FLNA: variants seen among roughly 807,000 people sequenced by gnomAD.
FLNA encodes filamin A.
FLNA carries 7 observed loss-of-function variants against 157.6 expected under a neutral mutation model. The observed-to-expected ratio is 0.04, with a 90% CI of 0.03 to 0.08. The LOEUF is 0.08. Among genes scored for constraint, FLNA ranks in the 10% least tolerant of loss-of-function variants. The pLI is 1.00. For missense variants in FLNA, 1,750 were observed against 2,398.4 expected (o/e 0.73, Z 5.65); for synonymous variants, 1,103 against 1,060.8 (o/e 1.04, Z -0.77).
At chrX:154,361,815 T>A in intron 19 of FLNA, 28 bp from the exon 20 acceptor site, 1 of 1,137,957 alleles carries the variant, frequency 8.8e-7, no homozygotes, top group Non-Finnish European at 1.2e-6. Flanking sequence ...GGGAAGGGGG[T>A]ATTTAGAGAC....
chrX:154,359,575 C>G lies in FLNA; in HGVS notation c.4051G>C (p.Glu1351Gln). The G allele has an allele frequency of 8.3e-7, 1 of 1,210,752 alleles. No individual in the cohort carries two copies. Among genetic ancestry groups the G allele is most frequent in the Non-Finnish European group, 1.1e-6 (1 of 895,246 alleles). The change falls in exon 24 of 48, where the codon GAG becomes CAG. Residue 1351 changes from glutamate to glutamine, a missense_variant. Physicochemically the swap from Glu to Gln is conservative, Grantham distance 29 (BLOSUM62 2). Around this residue, in one of 5 missense-constraint regions of FLNA, gnomAD observed 970 missense variants for 1,302.6 expected, o/e 0.74. Transcript: ENST00000369850. ...CGCACCCGGGAGGGGTCGCAGCCCTCGGTCACGGGCACCTGGAAGGGGCTG... is the reference window on the plus strand; with the variant it reads ...CGCACCCGGGAGGGGTCGCAGCCCTGGGTCACGGGCACCTGGAAGGGGCTG... The part of the protein sequence containing the change: ...PSSPFQVPVT[E>Q]GCDPSRVRVH...
chrX:154,361,030 G>A (rs2067702346), intron 21 of FLNA, among the ~76,000 whole-genome samples: 1 of 58,685 alleles, frequency 1.7e-5, no homozygotes, highest in Non-Finnish European at 2.9e-5. Context: ...CTGGGCGACA[G>A]AGTGAGACTC....
chrX:154,364,313 C>T lies in FLNA; in HGVS notation c.2082G>A (p.Glu694=), dbSNP rs2067738333. The T allele has an allele frequency of 9.1e-6, 11 of 1,211,616 alleles. No homozygotes were observed. The highest frequency in any genetic ancestry group is 1.2e-5 in the Non-Finnish European group (11 of 895,551). ...KTGVAVNKPA[E]FTVDAKHGGK... ...CACCGTGCTTGGCATCCACTGTGAA[C>T]TCTGCTGGCTTGTTGACGGCCACAC... is the stretch of plus-strand genomic sequence containing the variant. Residue 694 remains glutamate, a synonymous_variant, in exon 14 of 48, where the codon GAG becomes GAA. Coordinates refer to ENST00000369850, the MANE Select transcript of FLNA (RefSeq NM_001110556.2).
Position 154,353,538 on chromosome X carries a change from T to A in FLNA, c.5860+16A>T, listed in dbSNP as rs1458662145. The A allele has an allele frequency of 8.3e-7, 1 of 1,209,451 alleles. No individual in the cohort carries two copies. Among genetic ancestry groups the A allele is most frequent in the Non-Finnish European group, 1.1e-6 (1 of 894,520 alleles). ...CCCTGCCACCCGTTTCTGTCACTGC[T>A]CCCAGTGCCACCCACCTGTGACCCG... On this transcript the variant is annotated intron_variant, in intron 36 of 47. Coordinates refer to ENST00000369850, the MANE Select transcript of FLNA (RefSeq NM_001110556.2).
chrX:154,358,099 C>A, intron 28 of FLNA, 100 bp downstream of exon 28: 1 of 982,185 alleles, frequency 1.0e-6, no homozygotes. Flanking sequence ...CCCTGCCCTC[C>A]TTGGTGCAGC....
intron 5 of FLNA, 130 bp from the exon 6 acceptor site, chrX:154,366,980 G>A: frequency 1.8e-6 from 1 of 557,687 alleles, no homozygotes; most frequent in East Asian, 3.5e-5. Flanking sequence ...TTCAGTGTGA[G>A]CTGTGGCACA....
chrX:154,358,148 A>T (rs1394697852), intron 28 of FLNA, 51 bp downstream of exon 28: 10 of 1,184,856 alleles, frequency 8.4e-6, no homozygotes, highest in African/African-American at 3.6e-5. Flanking sequence ...CGCAGCCCAC[A>T]CTCCAGCCGC....
At chrX:154,360,700 G>C in intron 21 of FLNA, 113 bp from the exon 22 acceptor site, 1 of 687,505 alleles carries the variant, frequency 1.5e-6, no homozygotes. Context: ...CACCAAACAG[G>C]GACACGGGCG....
At chrX:154,354,347 T>G (rs782042051) in intron 33 of FLNA, 34 bp downstream of exon 33, 1 of 1,211,064 alleles carries the variant, frequency 8.3e-7, no homozygotes, top group Non-Finnish European at 1.1e-6. Context: ...CTGGCCTCCT[T>G]GGCTCCCGAG....
intron 23 of FLNA, 26 bp downstream of exon 23, chrX:154,359,706 A>C (rs782431606): frequency 8.3e-7 from 1 of 1,209,868 alleles, no homozygotes; most frequent in Admixed American, 2.2e-5. Context: ...CCCGTCTGCC[A>C]GCCTGTGGGA....
rs782796901 is a variant in FLNA at position 154,353,717 on chromosome X, A to C, written c.5697T>G (p.Ser1899=). ...CTTTGGACGGGCCCTCAATGGCCAG[A>C]GACAGGCCCCCTGGAGAGAGCCGTG... The part of the protein sequence containing the change: ...NTKDAGEGGL[S]LAIEGPSKAE... Residue 1899 remains serine (S), a synonymous_variant, in exon 36 of 48, where the codon TCT becomes TCG. Coordinates refer to ENST00000369850, the MANE Select transcript of FLNA (RefSeq NM_001110556.2). 8.3e-7 allele frequency: 1 copy of C among 1,208,900 alleles called. No individual in the cohort carries two copies. Among genetic ancestry groups the C allele is most frequent in the Non-Finnish European group, 1.1e-6 (1 of 894,280 alleles).
chrX:154,362,580 TGCG>T lies in FLNA; in HGVS notation c.2405-5_2405-3del. The T allele has an allele frequency of 3.3e-6, 4 of 1,210,725 alleles. No homozygotes were observed. The highest frequency in any genetic ancestry group is 4.5e-6 in the Non-Finnish European group (4 of 895,072). Reference sequence around the variant, plus strand: ...ACTTGATGCCGATGCTGACGTCCCCTGCGGCGGGGAGAGGAGCGGAGGCTGAGA... The same window carrying T: ...ACTTGATGCCGATGCTGACGTCCCCTGCGGGGAGAGGAGCGGAGGCTGAGA... On this transcript the variant is annotated splice_region_variant and splice_polypyrimidine_tract_variant and intron_variant, in intron 16 of 47. Coordinates refer to ENST00000369850, the MANE Select transcript of FLNA (RefSeq NM_001110556.2).
chrX:154,366,692 G>A (rs2148118367), intron 6 of FLNA, 40 bp downstream of exon 6: 1 of 1,197,560 alleles, frequency 8.4e-7, no homozygotes. Flanking sequence ...CCACTGAAAG[G>A]GAGCGCTGCG....
intron 2 of FLNA, among the ~76,000 whole-genome samples, chrX:154,370,330 G>C (rs1311910463): frequency 9.0e-6 from 1 of 110,846 alleles, no homozygotes; most frequent in African/African-American, 3.4e-5. Context: ...GTGTGTGTGT[G>C]GGGGGGTAGA....
rs782763013 is a variant in FLNA at position 154,365,493 on chromosome X, G to GCA, written c.1430-9_1430-8dup. On this transcript the variant is annotated splice_polypyrimidine_tract_variant and splice_region_variant and intron_variant, in intron 9 of 47. Transcript: ENST00000369850. ...CAGGCACTCGGGTTACAGGCTGCAGGCAGAGGGGCCAGCTGAGCACCAGCA... is the reference window on the plus strand; with the variant it reads ...CAGGCACTCGGGTTACAGGCTGCAGGCACAGAGGGGCCAGCTGAGCACCAGCA... 8.3e-7 allele frequency: 1 copy of GCA among 1,209,002 alleles called. No individual in the cohort carries two copies. The highest frequency in any genetic ancestry group is 1.7e-5 in the African/African-American group (1 of 57,663).
intron 1 of FLNA, among the ~76,000 whole-genome samples, chrX:154,374,218 C>A (rs1557180912): frequency 8.9e-6 from 1 of 112,565 alleles, no homozygotes; most frequent in East Asian, 2.8e-4. Flanking sequence ...TGGGCAAGTG[C>A]CCAGACACCC....
intron 9 of FLNA, 115 bp from the exon 10 acceptor site, chrX:154,365,601 G>A: frequency 2.2e-6 from 2 of 900,758 alleles, no homozygotes; most frequent in South Asian, 2.2e-5. Flanking sequence ...GGCTGGAGGG[G>A]GACATGCAAG....
chrX:154,370,705 A>T (rs1346782575), intron 2 of FLNA, among the ~76,000 whole-genome samples, 168 bp downstream of exon 2: 1 of 112,893 alleles, frequency 8.9e-6, no homozygotes, highest in Non-Finnish European at 1.9e-5. Context: ...CCAGCCAGCC[A>T]GCCCGCGCGC....
At position 154,362,701 on chromosome X, in the gene FLNA, C is replaced by A; in HGVS notation, c.2364G>T (p.Glu788Asp). Residue 788 changes from glutamate (E) to aspartate (D), a missense_variant, in exon 16 of 48, where the codon GAG becomes GAT. Glu to Asp is a conservative substitution (Grantham distance 45). Around this residue, in one of 5 missense-constraint regions of FLNA, gnomAD observed 648 missense variants for 805.8 expected, o/e 0.80. Transcript: ENST00000369850. ...CGCAGTCCACAGTGAAGTAGGTGGG[C>A]TCGTGGGCCTTGAGCCCTGTCTTGG... ...GVAKTGLKAHEPTYFTVDCAE... is the reference protein window; with the variant it reads ...GVAKTGLKAHDPTYFTVDCAE... 1 of 1,210,653 alleles carries A rather than the reference C, an allele frequency of 8.3e-7. No individual in the cohort carries two copies. The highest frequency in any genetic ancestry group is 1.1e-6 in the Non-Finnish European group (1 of 895,165).
Sources: allele counts gnomAD v4.1 joint callset (sites outside exome capture counted in the v4.1 genomes callset), GRCh38; gene constraint gnomAD v4.1.1; regional missense constraint gnomAD v4.1.1; transcripts MANE v1.5; gene names NCBI Gene and HGNC (gene_info 2026-07-23, HGNC 2026-07-21).